The following TFB1M variants were observed in gnomAD, a reference collection of about 807,000 sequenced individuals.
TFB1M encodes transcription factor B1, mitochondrial.
Under a neutral mutation model 31.1 loss-of-function variants are expected in TFB1M, and 27 were observed. The observed-to-expected ratio is 0.87, with a 90% CI of 0.64 to 1.20. TFB1M has a LOEUF of 1.20. TFB1M is among the 50% of genes most tolerant of loss of function. The pLI is 0.00. For synonymous variants in TFB1M, 166 were observed against 151.8 expected (o/e 1.09, Z -0.69); for missense variants, 394 against 418.7 (o/e 0.94, Z 0.51).
chr6:155,304,601 T>C (rs1777582786), intron 2 of TFB1M, among the ~76,000 whole-genome samples: 1 of 151,996 alleles, frequency 6.6e-6, no homozygotes, highest in Non-Finnish European at 1.5e-5. Context: ...CACATCATGA[T>C]GAAATTGCTC....
chr6:155,240,060 T>A, the TFB1M span, among the ~76,000 whole-genome samples: 1 of 152,228 alleles, frequency 6.6e-6, no homozygotes, highest in Non-Finnish European at 1.5e-5. Context: ...CTGTAATTGC[T>A]CTTGGGCTGT....
chr6:155,251,959 G>A (rs146614447), downstream of TFB1M: 410 of 1,603,748 alleles, frequency 2.6e-4, 3 homozygotes, highest in African/African-American at 4.3e-3. Context: ...TAAGAGAGCC[G>A]TCATACTGGT....
intron 5 of TFB1M, among the ~76,000 whole-genome samples, chr6:155,275,150 C>T (rs1198060861): frequency 2.6e-5 from 4 of 151,960 alleles, no homozygotes; most frequent in Admixed American, 1.3e-4. Context: ...GGTGTGAACC[C>T]AGGAGGTGGA....
At chr6:155,239,302 G>A in the TFB1M span, among the ~76,000 whole-genome samples, 63 of 152,276 alleles carry the variant, frequency 4.1e-4, no homozygotes, top group East Asian at 8.9e-3. Flanking sequence ...ACTCAGCTGC[G>A]TTGTTCAGTA....
chr6:155,255,031 A>G (rs1401720103), downstream of TFB1M: 1 of 156,462 alleles, frequency 6.4e-6, no homozygotes, highest in Non-Finnish European at 1.4e-5. Flanking sequence ...TCGTACTTCG[A>G]GTACCCAGAC....
In TFB1M at chr6:155,269,601, T is replaced by C. The variant is rs143038263; in HGVS notation, c.667-9201A>G. On this transcript the variant is annotated intron_variant, in intron 5 of 6. Coordinates refer to ENST00000367166, the MANE Select transcript of TFB1M (RefSeq NM_016020.4). ...CCTCCCAAAGTGTTGGGATTACAGG[T>C]GTGAGCCACCACGCCCGGCCAGTTT... 1.4e-3 allele frequency among the ~76,000 whole-genome samples: 213 copies of C among 152,186 alleles called. 1 individual carries two copies. Among genetic ancestry groups the C allele is most frequent in the African/African-American group, 4.9e-3 (203 of 41,504 alleles).
At position 155,257,201 on chromosome 6, in the gene TFB1M, A is replaced by G; in HGVS notation, c.*635T>C. On this transcript the variant is annotated 3_prime_UTR_variant, in exon 7 of 7. Coordinates refer to ENST00000367166, the MANE Select transcript of TFB1M (RefSeq NM_016020.4). ...TAAAGTGGAAATTGCAAAAAAAAAAAAAAAAAAAAACTGTTCATTCCTGGG... is the reference window on the plus strand; with the variant it reads ...TAAAGTGGAAATTGCAAAAAAAAAAGAAAAAAAAAACTGTTCATTCCTGGG... 1 of 1,427,372 alleles carries G rather than the reference A, an allele frequency of 7.0e-7. No individual in the cohort carries two copies. The highest frequency in any genetic ancestry group is 9.5e-7 in the Non-Finnish European group (1 of 1,051,998). 88.4% of individuals were successfully genotyped at this position (1,427,372 alleles called of 1,614,324 possible).
chr6:155,275,822 G>GATGT, intron 5 of TFB1M: 1 of 1,614,150 alleles, frequency 6.2e-7, no homozygotes, highest in Non-Finnish European at 8.5e-7. Context: ...GGTGAATGTG[G>GATGT]ATGTGGACTC....
At position 155,257,344 on chromosome 6, in the gene TFB1M, T is replaced by G; in HGVS notation, c.*492A>C. Reference sequence around the variant, plus strand: ...GAATCTGTAAATTACTTAGTTTATATCCACTTTGAGCAGGTATCAAATGAT... The same window carrying G: ...GAATCTGTAAATTACTTAGTTTATAGCCACTTTGAGCAGGTATCAAATGAT... On this transcript the variant is annotated 3_prime_UTR_variant, in exon 7 of 7. Coordinates refer to ENST00000367166, the MANE Select transcript of TFB1M (RefSeq NM_016020.4). The G allele has an allele frequency of 7.3e-6, 4 of 550,282 alleles. No individual in the cohort carries two copies. Among genetic ancestry groups the G allele is most frequent in the Non-Finnish European group, 1.3e-5 (4 of 316,572 alleles). 34.1% of individuals were successfully genotyped at this position (550,282 alleles called of 1,614,324 possible).
the TFB1M span, among the ~76,000 whole-genome samples, chr6:155,234,092 TAAAGA>T: frequency 1.3e-5 from 2 of 152,272 alleles, no homozygotes; most frequent in East Asian, 3.9e-4. Flanking sequence ...TATGACTTCT[TAAAGA>T]AAATATTGGT....
the TFB1M span, among the ~76,000 whole-genome samples, chr6:155,230,761 AAATC>A: frequency 6.8e-6 from 1 of 147,720 alleles, no homozygotes. Flanking sequence ...AATTTTATAA[AAATC>A]TATGCATACA....
In TFB1M at chr6:155,257,433, C is replaced by G; in HGVS notation, c.*403G>C. On this transcript the variant is annotated 3_prime_UTR_variant, in exon 7 of 7. Transcript: ENST00000367166. ...GTGGAAAAAGTAAGGCTGGGGAAGT[C>G]GTGATTAATAGTTTTCAAAGGGCCA... is the stretch of plus-strand genomic sequence containing the variant. The G allele has an allele frequency of 2.9e-6, 1 of 350,784 alleles. No homozygotes were observed. The allele number at this position is 350,784 out of a possible 1,614,324, so 21.7% of individuals were successfully genotyped here. A position where few individuals can be genotyped will look rare whatever the true frequency, so the allele number is the denominator to read the frequency against.
the TFB1M span, among the ~76,000 whole-genome samples, chr6:155,245,400 C>CT: frequency 2.0e-5 from 3 of 152,250 alleles, no homozygotes; most frequent in Admixed American, 2.0e-4. Context: ...GGATTGCACA[C>CT]TGTCAGTAGG....
At chr6:155,271,915 C>T (rs1784936805) in intron 5 of TFB1M, among the ~76,000 whole-genome samples, 1 of 152,272 alleles carries the variant, frequency 6.6e-6, no homozygotes, top group South Asian at 2.1e-4. Flanking sequence ...ACAACAATTC[C>T]CTCCCTTCCC....
chr6:155,286,334 A>G (rs1484391378), intron 4 of TFB1M, among the ~76,000 whole-genome samples: 1 of 151,898 alleles, frequency 6.6e-6, no homozygotes, highest in Non-Finnish European at 1.5e-5. Flanking sequence ...CTAAAGATGT[A>G]AAAGCAGAGC....
intron 5 of TFB1M, chr6:155,263,992 A>G (rs1784508173): frequency 6.6e-6 from 1 of 152,104 alleles, no homozygotes; most frequent in Non-Finnish European, 1.5e-5. Flanking sequence ...GACTTTAAAG[A>G]ACAACATATA....
rs548495838 is a variant in TFB1M, at chr6:155,297,172, G to A, written c.395-68C>T. The stretch of plus-strand genomic sequence containing the variant: ...ATATTCTGAATACAATTTCAGTGAC[G>A]AGTAAAATCAGACTGGATATTAATA... On this transcript the variant is annotated intron_variant, in intron 3 of 6. Transcript: ENST00000367166. 7.3e-5 allele frequency: 111 copies of A among 1,530,306 alleles called. No individual in the cohort carries two copies. In the African/African-American group the frequency reaches 1.1e-3, roughly 15 times the overall value. The allele number at this position is 1,530,306 out of a possible 1,614,324, so 94.8% of individuals were successfully genotyped here.
intron 1 of TFB1M, among the ~76,000 whole-genome samples, chr6:155,312,236 C>T (rs572610418): frequency 2.0e-4 from 30 of 152,236 alleles, no homozygotes; most frequent in Non-Finnish European, 3.8e-4. Context: ...AGCTAAAATG[C>T]GGAAACTAGT....
the TFB1M span, among the ~76,000 whole-genome samples, chr6:155,231,538 G>A: frequency 1.3e-5 from 2 of 152,170 alleles, no homozygotes; most frequent in Non-Finnish European, 2.9e-5. Flanking sequence ...AGGGGCTGAC[G>A]TGCTGCCCTT....
Sources: allele counts gnomAD v4.1 joint callset (sites outside exome capture counted in the v4.1 genomes callset), GRCh38; gene constraint gnomAD v4.1.1; transcripts MANE v1.5; gene names NCBI Gene and HGNC (gene_info 2026-07-23, HGNC 2026-07-21).